PRRG3: variants seen among roughly 807,000 people sequenced by gnomAD.
PRRG3 encodes proline rich and Gla domain 3.
A neutral mutation model predicts 15.8 loss-of-function variants in PRRG3; 21 were observed. The observed-to-expected ratio is 1.33, with a 90% confidence interval of 0.94 to 1.92. PRRG3 has a LOEUF of 1.92. Ranked by LOEUF, PRRG3 falls within the 40% of genes most tolerant of loss-of-function variation. The pLI is 0.00. For missense variants in PRRG3, 251 were observed against 200.2 expected, an observed-to-expected ratio of 1.25 and a Z score of -1.53; for synonymous variants, 125 against 84.1, an observed-to-expected ratio of 1.49 and a Z score of -2.66.
At chrX:151,700,257 C>G (rs751507277) in intron 3 of PRRG3, 101 bp downstream of exon 3, 1 of 1,195,800 alleles carries the variant, frequency 8.4e-7, no homozygotes. Context: ...AGGAAAGACA[C>G]CCAGCCTAAG....
At chrX:151,697,678 A>T (rs1368600245) in intron 1 of PRRG3, among the ~76,000 whole-genome samples, 1 of 109,853 alleles carries the variant, frequency 9.1e-6, no homozygotes, top group Non-Finnish European at 1.9e-5. Context: ...GGAGGGCTCA[A>T]TGGATTCCAC....
At position 151,699,849 on chromosome X, in the gene PRRG3, T is replaced by C. The variant is rs928716970; in HGVS notation, c.8-147T>C. The stretch of plus-strand genomic sequence containing the variant: ...CATCCCTTTCACAAAGGGCCGGCCA[T>C]GTCCTTTGATCAGAAGCCTGGTGTC... On this transcript the variant is annotated intron_variant, in intron 2 of 3. Coordinates refer to ENST00000674457, the MANE Select transcript of PRRG3 (RefSeq NM_001372163.1). 10 of 551,408 alleles carry C rather than the reference T, an allele frequency of 1.8e-5. No individual in the cohort carries two copies. In the African/African-American group the frequency reaches 1.9e-4, roughly 10 times the overall value. 45.4% of individuals were successfully genotyped at this position (551,408 alleles called of 1,213,427 possible).
upstream of PRRG3, chrX:151,694,990 C>T (rs2014731443): frequency 1.8e-5 from 2 of 108,864 alleles, no homozygotes; most frequent in African/African-American, 6.5e-5. Context: ...GGCGCGGGCG[C>T]GCGGTGCTCG....
In PRRG3 at chrX:151,700,885, C is replaced by T. The variant is rs780979022; in HGVS notation, c.548C>T (p.Ser183Phe). The T allele has an allele frequency of 6.6e-6, 8 of 1,207,770 alleles. No homozygotes were observed. Among genetic ancestry groups the T allele is most frequent in the Non-Finnish European group, 8.9e-6 (8 of 894,383 alleles). Reference protein sequence around the residue: ...STLYLPELSLSRLSSTTPPPS... With the variant: ...STLYLPELSLFRLSSTTPPPS... ...CTCTACCTCCCTGAGCTCTCTCTCT[C>T]CAGACTGTCCAGCACCACCCCTCCC... The change falls in exon 4 of 4, where the codon TCC (serine) becomes TTC (phenylalanine). Residue 183 changes from serine to phenylalanine, a missense_variant. Ser to Phe is a radical substitution (Grantham distance 155). Coordinates refer to ENST00000674457, the MANE Select transcript of PRRG3 (RefSeq NM_001372163.1).
In PRRG3 at chrX:151,701,194, G is replaced by T. The variant is rs1403292356; in HGVS notation, c.*161G>T. On this transcript the variant is annotated 3_prime_UTR_variant, in exon 4 of 4. Coordinates refer to ENST00000674457, the MANE Select transcript of PRRG3 (RefSeq NM_001372163.1). ...TTTAGGAAGTCAGTTGTCAGAGACAGGTGGGGAGGGTGGGGGTAGGGACCA... is the reference window on the plus strand; with the variant it reads ...TTTAGGAAGTCAGTTGTCAGAGACATGTGGGGAGGGTGGGGGTAGGGACCA... 2 of 459,513 alleles carry T rather than the reference G, an allele frequency of 4.4e-6. No homozygotes were observed. Among genetic ancestry groups the T allele is most frequent in the Non-Finnish European group, 6.5e-6 (2 of 307,009 alleles). 37.9% of individuals were successfully genotyped at this position (459,513 alleles called of 1,213,427 possible). A position where few individuals can be genotyped will look rare whatever the true frequency, so the allele number is the denominator to read the frequency against.
chrX:151,702,286 G>A lies in PRRG3; in HGVS notation c.*1253G>A, dbSNP rs1363939265. On this transcript the variant is annotated 3_prime_UTR_variant, in exon 4 of 4. Transcript: ENST00000674457. The stretch of plus-strand genomic sequence containing the variant: ...AATTTAAAATCCACTGAGCTGACAA[G>A]CTTTTTTCTGTCAAAATATCTCTCT... 8.9e-6 allele frequency: 1 copy of A among 112,786 alleles called. No individual in the cohort carries two copies. Among genetic ancestry groups the A allele is most frequent in the Non-Finnish European group, 1.9e-5 (1 of 53,350 alleles). 9.3% of individuals were successfully genotyped at this position (112,786 alleles called of 1,213,427 possible). A position where few individuals can be genotyped will look rare whatever the true frequency, so the allele number is the denominator to read the frequency against.
chrX:151,700,727 C>G lies in PRRG3; in HGVS notation c.390C>G (p.Pro130=), dbSNP rs778416070. The change falls in exon 4 of 4, where the codon CCC becomes CCG. Residue 130 remains proline (P), a synonymous_variant. Transcript: ENST00000674457. ...CCAGTCGCGCCGGGCACACCCTCCC[C>G]CGGGTCATGGTGTACCGGGGTACTG... is the stretch of plus-strand genomic sequence containing the variant. ...YLASRAGHTL[P]RVMVYRGTVH... is the part of the protein sequence containing the mutation. The G allele has an allele frequency of 4.1e-6, 5 of 1,210,165 alleles. No individual in the cohort carries two copies. Among genetic ancestry groups the G allele is most frequent in the Middle Eastern group, 2.3e-4 (1 of 4,345 alleles).
rs3761540 is a variant in PRRG3, at chrX:151,704,922, C to T, written c.*3889C>T. 0.22 allele frequency: 28,550 copies of T among 128,263 alleles called. 2,774 individuals are homozygous for T. Among genetic ancestry groups the T allele is most frequent in the East Asian group, 0.34 (1,382 of 4,120 alleles). 10.6% of individuals were successfully genotyped at this position (128,263 alleles called of 1,213,427 possible). ...ACTTCGAGAAAATCACAACTTAAGA[C>T]AATTCACAGTAGCTGTGATTCTGGC... On this transcript the variant is annotated 3_prime_UTR_variant, in exon 4 of 4. Coordinates refer to ENST00000674457, the MANE Select transcript of PRRG3 (RefSeq NM_001372163.1).
upstream of PRRG3, among the ~76,000 whole-genome samples, chrX:151,694,786 A>T (rs1290466504): frequency 8.9e-6 from 1 of 111,759 alleles, no homozygotes; most frequent in Non-Finnish European, 1.9e-5. Context: ...TGGGCTGCGC[A>T]GGGACGCCTG....
At chrX:151,699,367 A>G (rs1412893284) in intron 2 of PRRG3, among the ~76,000 whole-genome samples, 2 of 112,288 alleles carry the variant, frequency 1.8e-5, no homozygotes, top group Non-Finnish European at 3.8e-5. Flanking sequence ...TCTCCATCTG[A>G]ACCCTGCTAC....
upstream of PRRG3, among the ~76,000 whole-genome samples, chrX:151,694,757 G>T (rs2014725979): frequency 2.7e-5 from 3 of 109,703 alleles, no homozygotes; most frequent in South Asian, 1.1e-3. Context: ...AGCCCGGGGG[G>T]TGGGGACAGG....
Position 151,699,672 on chromosome X carries a change from C to A in PRRG3, c.8-324C>A, listed in dbSNP as rs112164233. Among the ~76,000 whole-genome samples the A allele has an allele frequency of 3.4e-3, 386 of 113,163 alleles. 2 individuals carry two copies. The highest frequency in any genetic ancestry group is 0.012 in the African/African-American group (361 of 31,229). On this transcript the variant is annotated intron_variant, in intron 2 of 3. Coordinates refer to ENST00000674457, the MANE Select transcript of PRRG3 (RefSeq NM_001372163.1). ...AGCTTTAGTCACTGAACATTGCCTA[C>A]TTACAATTCTTATTCTTTCTTGTTC...
upstream of PRRG3, chrX:151,695,268 G>T: frequency 9.0e-6 from 1 of 111,616 alleles, no homozygotes; most frequent in South Asian, 3.6e-4. Context: ...AGGCAGGGGG[G>T]TGCCGAGGTA....
At chrX:151,699,915 T>C in intron 2 of PRRG3, 81 bp from the exon 3 acceptor site, 1 of 1,001,329 alleles carries the variant, frequency 1.0e-6, no homozygotes, top group East Asian at 3.1e-5. Context: ...ATAATTATGC[T>C]TCAGTTGCTG....
At position 151,700,034 on chromosome X, in the gene PRRG3, C is replaced by T. The variant is rs765253591; in HGVS notation, c.46C>T (p.Arg16Ter). The change falls in exon 3 of 4, where the codon CGA becomes TGA. Residue 16 changes from arginine to a stop codon, truncating the protein, a stop_gained. Coordinates refer to ENST00000674457, the MANE Select transcript of PRRG3 (RefSeq NM_001372163.1). LOFTEE classifies it high-confidence loss of function. ...CAAGGATGCCCATTCGGTCCTGAAA[C>T]GATTCCCTCGTGCCAATGAGTTCCT... ...EAKDAHSVLK[R>*]FPRANEFLEE... is the part of the protein sequence containing the mutation. The T allele has an allele frequency of 2.0e-5, 24 of 1,209,942 alleles. No homozygotes were observed. The highest frequency in any genetic ancestry group is 6.5e-5 in the Admixed American group (3 of 45,880).
rs775199708 is a variant in PRRG3 at position 151,701,577 on chromosome X, T to C, written c.*544T>C. On this transcript the variant is annotated 3_prime_UTR_variant, in exon 4 of 4. Transcript: ENST00000674457. Reference sequence around the variant, plus strand: ...TGAAAAAATCATGACAAATAAATAATTAACACAATAGAACAAAACTCTAGC... The same window carrying C: ...TGAAAAAATCATGACAAATAAATAACTAACACAATAGAACAAAACTCTAGC... 1.8e-5 allele frequency: 2 copies of C among 112,459 alleles called. No homozygotes were observed. Among genetic ancestry groups the C allele is most frequent in the South Asian group, 7.4e-4 (2 of 2,694 alleles). 9.3% of individuals were successfully genotyped at this position (112,459 alleles called of 1,213,427 possible).
Position 151,701,252 on chromosome X carries a change from G to A in PRRG3, c.*219G>A, listed in dbSNP as rs929901729. ...GTCGAAGCCCCCGGGAAGAGCCAAA[G>A]GCCAAAGTGCCCAACTCTTTGGGAT... On this transcript the variant is annotated 3_prime_UTR_variant, in exon 4 of 4. Transcript: ENST00000674457. 3.2e-6 allele frequency: 1 copy of A among 308,892 alleles called. No homozygotes were observed. Among genetic ancestry groups the A allele is most frequent in the Admixed American group, 5.5e-5 (1 of 18,025 alleles). 25.5% of individuals were successfully genotyped at this position (308,892 alleles called of 1,213,427 possible). A position where few individuals can be genotyped will look rare whatever the true frequency, so the allele number is the denominator to read the frequency against.
chrX:151,697,077 CTCCT>C (rs1353224699), intron 1 of PRRG3, among the ~76,000 whole-genome samples: 44 of 41,774 alleles, frequency 1.1e-3, no homozygotes, highest in African/African-American at 5.0e-3. Context: ...CCCTTCCCTT[CTCCT>C]TCCTTCCTTC....
intron 1 of PRRG3, among the ~76,000 whole-genome samples, chrX:151,697,094 T>TCCTTCCTTCCTC (rs1214771779): frequency 1.3e-3 from 101 of 75,831 alleles, no homozygotes; most frequent in African/African-American, 5.7e-3. Flanking sequence ...CTTCCTTCCT[T>TCCTTCCTTCCTC]CCTCCCTCCC....
Sources: gnomAD v4.1 joint callset for allele counts (sites outside exome capture counted in the v4.1 genomes callset) on GRCh38, gnomAD v4.1.1 for gene constraint, MANE v1.5 for transcripts, NCBI Gene and HGNC (gene_info 2026-07-23, HGNC 2026-07-21) for gene names.